Variants in CACNA2D3 observed in about 807,000 individuals in gnomAD.
The protein encoded by CACNA2D3 is calcium voltage-gated channel auxiliary subunit alpha2delta 3.
In CACNA2D3, 60 loss-of-function variants were observed where a neutral mutation model predicts 160.6. The ratio of observed to expected loss-of-function variants is 0.37; its 90% CI spans 0.30 to 0.46. The LOEUF is 0.46. CACNA2D3 is among the 20% of genes least tolerant of loss of function. The probability of loss-of-function intolerance (pLI) is 1.00; values close to 1 mark genes in which losing one functional copy is unlikely to be tolerated. For synonymous variants in CACNA2D3, 558 were observed against 492.9 expected, an observed-to-expected ratio of 1.13 and a Z score of -1.75; for missense variants, 1,205 against 1,365.0, an observed-to-expected ratio of 0.88 and a Z score of 1.85.
At chr3:55,044,736 T>C (rs1704039385) in intron 35 of CACNA2D3, among the ~76,000 whole-genome samples, 1 of 152,196 alleles carries the variant, frequency 6.6e-6, no homozygotes, top group African/African-American at 2.4e-5. Context: ...TTAAGTCTAA[T>C]GTTTACTGTT....
At chr3:54,690,007 A>T (rs984671213) in intron 11 of CACNA2D3, among the ~76,000 whole-genome samples, 2 of 151,912 alleles carry the variant, frequency 1.3e-5, no homozygotes, top group African/African-American at 4.8e-5. Flanking sequence ...ACAACTCCTG[A>T]GACAAGCAGG....
At chr3:54,284,468 T>A (rs569596730) in intron 2 of CACNA2D3, among the ~76,000 whole-genome samples, 1 of 151,950 alleles carries the variant, frequency 6.6e-6, no homozygotes, top group South Asian at 2.1e-4. Context: ...TTAGGAGAAG[T>A]TGGGTGAAGG....
At chr3:54,973,705 C>CA (rs1446766273) in intron 29 of CACNA2D3, among the ~76,000 whole-genome samples, 1 of 152,172 alleles carries the variant, frequency 6.6e-6, no homozygotes, top group African/African-American at 2.4e-5. Flanking sequence ...CAAAGGAGGA[C>CA]AAGGGGGCAC....
At chr3:54,607,235 C>G (rs1005810812) in intron 9 of CACNA2D3, among the ~76,000 whole-genome samples, 11 of 152,192 alleles carry the variant, frequency 7.2e-5, no homozygotes, top group Admixed American at 2.6e-4. Context: ...CCCTCTAGAT[C>G]TGTTTCTCCC....
At chr3:54,524,719 CTTTTA>C (rs1701698008) in intron 5 of CACNA2D3, among the ~76,000 whole-genome samples, 1 of 151,946 alleles carries the variant, frequency 6.6e-6, no homozygotes, top group Admixed American at 6.6e-5. Flanking sequence ...CAGATTTACT[CTTTTA>C]TCATTATAAA....
intron 4 of CACNA2D3, among the ~76,000 whole-genome samples, chr3:54,432,249 GA>G (rs1457957081): frequency 3.9e-5 from 6 of 152,080 alleles, no homozygotes; most frequent in Non-Finnish European, 8.8e-5. Flanking sequence ...TGATCCTTCT[GA>G]ACCTTCTAAT....
chr3:54,542,051 T>A lies in CACNA2D3; in HGVS notation c.545-20749T>A, dbSNP rs185568919. Reference sequence around the variant, plus strand: ...TGATATATGTATATGTGAATGAGAGTTTTTTTTGTTGTTGTTGTTTTTGTT... The same window carrying A: ...TGATATATGTATATGTGAATGAGAGATTTTTTTGTTGTTGTTGTTTTTGTT... On this transcript the variant is annotated intron_variant, in intron 5 of 37. Coordinates refer to ENST00000474759, the MANE Select transcript of CACNA2D3 (RefSeq NM_018398.3). Among the ~76,000 whole-genome samples the A allele has an allele frequency of 1.4e-3, 212 of 150,750 alleles. 1 individual carries two copies. Among genetic ancestry groups the A allele is most frequent in the Middle Eastern group, 3.4e-3 (1 of 290 alleles).
At chr3:54,802,592 G>T (rs1314349948) in intron 13 of CACNA2D3, among the ~76,000 whole-genome samples, 3 of 152,186 alleles carry the variant, frequency 2.0e-5, no homozygotes, top group East Asian at 3.8e-4. Context: ...ATACCCAGCT[G>T]CAAGTTTCTA....
chr3:54,533,072 C>T (rs1046642972), intron 5 of CACNA2D3, among the ~76,000 whole-genome samples: 1 of 152,128 alleles, frequency 6.6e-6, no homozygotes, highest in Non-Finnish European at 1.5e-5. Flanking sequence ...ATTTCCTCCT[C>T]AGGGTTTCAG....
chr3:54,841,576 G>A (rs1698820456), intron 16 of CACNA2D3, among the ~76,000 whole-genome samples: 1 of 152,188 alleles, frequency 6.6e-6, no homozygotes, highest in Non-Finnish European at 1.5e-5. Context: ...CAGAGTTCAG[G>A]TCACACCTTG....
intron 35 of CACNA2D3, among the ~76,000 whole-genome samples, chr3:55,038,099 A>G (rs1298587518): frequency 6.6e-6 from 1 of 152,174 alleles, no homozygotes; most frequent in African/African-American, 2.4e-5. Context: ...TTGCTTCTAA[A>G]AGTTGTGCTG....
intron 9 of CACNA2D3, among the ~76,000 whole-genome samples, chr3:54,622,385 T>G (rs1699007357): frequency 6.6e-6 from 1 of 152,064 alleles, no homozygotes; most frequent in South Asian, 2.1e-4. Context: ...ACGCCATTCT[T>G]CTGCCTCAGC....
chr3:54,424,497 C>T (rs1335310385), intron 4 of CACNA2D3, among the ~76,000 whole-genome samples: 2 of 152,222 alleles, frequency 1.3e-5, no homozygotes, highest in Non-Finnish European at 2.9e-5. Flanking sequence ...GATCACATTT[C>T]CTGATGGGCC....
intron 11 of CACNA2D3, among the ~76,000 whole-genome samples, chr3:54,680,208 C>T (rs1700316766): frequency 6.6e-6 from 1 of 152,102 alleles, no homozygotes; most frequent in East Asian, 1.9e-4. Context: ...AGCTATGTCC[C>T]TGGATCAAAT....
chr3:54,879,486 C>A, intron 20 of CACNA2D3, 75 bp downstream of exon 20: 2 of 1,044,070 alleles, frequency 1.9e-6, no homozygotes, highest in Non-Finnish European at 2.9e-6. Context: ...CTGACACTCT[C>A]AGAGCTCATC....
intron 9 of CACNA2D3, among the ~76,000 whole-genome samples, chr3:54,607,831 T>G (rs1698667653): frequency 6.6e-6 from 1 of 152,202 alleles, no homozygotes; most frequent in Admixed American, 6.5e-5. Context: ...CAACCCAAGT[T>G]TCCTTCAGCA....
chr3:54,218,193 A>G (rs1701498177), intron 2 of CACNA2D3, among the ~76,000 whole-genome samples: 1 of 152,180 alleles, frequency 6.6e-6, no homozygotes, highest in Admixed American at 6.5e-5. Flanking sequence ...TGCTTCAACC[A>G]GGCCTGGCTT....
At chr3:54,488,147 G>A (rs1701046768) in intron 4 of CACNA2D3, among the ~76,000 whole-genome samples, 2 of 151,936 alleles carry the variant, frequency 1.3e-5, no homozygotes, top group South Asian at 4.2e-4. Context: ...TGTGCATCTG[G>A]TTGAGTTAGA....
intron 2 of CACNA2D3, among the ~76,000 whole-genome samples, chr3:54,263,789 G>A (rs1702448357): frequency 6.6e-6 from 1 of 152,210 alleles, no homozygotes; most frequent in African/African-American, 2.4e-5. Flanking sequence ...AACTCACAGT[G>A]AGAGATGATA....
Sources: allele counts gnomAD v4.1 joint callset (sites outside exome capture counted in the v4.1 genomes callset), GRCh38; gene constraint gnomAD v4.1.1; transcripts MANE v1.5; gene names NCBI Gene and HGNC (gene_info 2026-07-23, HGNC 2026-07-21).